The following MBD1 variants were observed in gnomAD, a reference collection of about 807,000 sequenced individuals.
MBD1 encodes methyl-CpG-binding domain protein 1.
MBD1 carries 25 observed loss-of-function variants against 82.6 expected under a neutral mutation model. That is an observed-to-expected ratio of 0.30 (90% CI 0.22 to 0.42). The LOEUF (loss-of-function observed/expected upper bound fraction) is 0.42, where lower values mean the gene tolerates loss of function less well. Ranked by LOEUF, MBD1 falls within the 10% of genes least tolerant of loss-of-function variation. MBD1 has a pLI of 1.00. For missense variants in MBD1, 627 were observed against 819.6 expected, an observed-to-expected ratio of 0.76 and a Z score of 2.87; for synonymous variants, 301 against 303.7, an observed-to-expected ratio of 0.99 and a Z score of 0.09.
intron 1 of MBD1, 109 bp from the exon 2 acceptor site, chr18:50,280,126 G>A (rs1052045999): frequency 4.5e-6 from 5 of 1,099,732 alleles, no homozygotes; most frequent in African/African-American, 1.6e-5. Flanking sequence ...CCAAGCCCTA[G>A]GACCTGCCAC....
At chr18:50,277,853 AT>A (rs1486968205) in intron 2 of MBD1, among the ~76,000 whole-genome samples, 4 of 152,124 alleles carry the variant, frequency 2.6e-5, no homozygotes, top group Non-Finnish European at 5.9e-5. Flanking sequence ...TCTTAATATT[AT>A]TTAAAAAAAA....
chr18:50,279,824 G>T, intron 2 of MBD1, 59 bp downstream of exon 2: 1 of 1,609,648 alleles, frequency 6.2e-7, no homozygotes, highest in South Asian at 1.1e-5. Context: ...CACACCATTT[G>T]ATTTTACCAG....
At chr18:50,276,555 G>T in intron 5 of MBD1, 107 bp downstream of exon 5, 1 of 1,459,218 alleles carries the variant, frequency 6.9e-7, no homozygotes, top group Non-Finnish European at 9.5e-7. Flanking sequence ...CTCCAACCAT[G>T]CCAGTAGCCT....
intron 2 of MBD1, 152 bp from the exon 3 acceptor site, chr18:50,277,356 T>A: frequency 1.5e-6 from 1 of 683,356 alleles, no homozygotes; most frequent in Non-Finnish European, 2.7e-6. Flanking sequence ...CTTGAAAACA[T>A]AAAAAAATTA....
In MBD1 at chr18:50,268,883, T is replaced by A; in HGVS notation, c.*968A>T. The A allele has an allele frequency of 2.0e-6, 2 of 980,218 alleles. No homozygotes were observed. Among genetic ancestry groups the A allele is most frequent in the Non-Finnish European group, 2.4e-6 (2 of 825,128 alleles). The allele number at this position is 980,218 out of a possible 1,614,324, so 60.7% of individuals were successfully genotyped here. A position where few individuals can be genotyped will look rare whatever the true frequency, so the allele number is the denominator to read the frequency against. On this transcript the variant is annotated 3_prime_UTR_variant, in exon 17 of 17. Coordinates refer to ENST00000269468, the MANE Select transcript of MBD1 (RefSeq NM_015846.4). ...TAAAAATTTAAAAATAATTTTAAAA[T>A]AGAACAGCTTAGAGATAGAAACTAA... is the stretch of plus-strand genomic sequence containing the variant.
At chr18:50,277,638 AAAGTAT>A (rs1216455931) in intron 2 of MBD1, among the ~76,000 whole-genome samples, 1 of 152,122 alleles carries the variant, frequency 6.6e-6, no homozygotes, top group East Asian at 1.9e-4. Context: ...CATACAAATT[AAAGTAT>A]AAGTAATTGA....
At chr18:50,275,375 G>T in intron 8 of MBD1, 130 bp from the exon 9 acceptor site, 1 of 1,611,280 alleles carries the variant, frequency 6.2e-7, no homozygotes, top group Non-Finnish European at 8.5e-7. Flanking sequence ...CTCACAGTTG[G>T]GGGAGCCACA....
At chr18:50,273,155 G>C (rs1030211820) in intron 13 of MBD1, 179 bp downstream of exon 13, 6 of 1,214,998 alleles carry the variant, frequency 4.9e-6, no homozygotes, top group South Asian at 3.9e-5. Context: ...ATAGCAAAGC[G>C]GGCAAAGCTA....
intron 9 of MBD1, 31 bp downstream of exon 9, chr18:50,275,098 T>A: frequency 6.2e-7 from 1 of 1,612,780 alleles, no homozygotes; most frequent in Non-Finnish European, 8.5e-7. Context: ...AGGTCAGGGT[T>A]GTGCCTTCCC....
chr18:50,281,559 G>A (rs932782169), upstream of MBD1: 2 of 574,592 alleles, frequency 3.5e-6, no homozygotes, highest in South Asian at 4.4e-5. Flanking sequence ...CTCGGGCTCC[G>A]CCTCTGGCTA....
downstream of MBD1, among the ~76,000 whole-genome samples, chr18:50,268,507 G>A (rs2034251245): frequency 1.3e-5 from 2 of 152,262 alleles, no homozygotes; most frequent in Admixed American, 6.5e-5. Context: ...TGCGCCGGAC[G>A]GAGACCACGC....
intron 6 of MBD1, 186 bp from the exon 7 acceptor site, chr18:50,276,167 T>C: frequency 2.4e-6 from 2 of 840,476 alleles, no homozygotes; most frequent in South Asian, 1.5e-5. Flanking sequence ...TGGTCCCCTG[T>C]TCACTTCATC....
chr18:50,270,025 A>G (rs768893265), intron 16 of MBD1: 1 of 1,598,280 alleles, frequency 6.3e-7, no homozygotes. Flanking sequence ...ATGTCAATCA[A>G]ATAAATTTCA....
chr18:50,276,487 T>C, intron 5 of MBD1, 69 bp from the exon 6 acceptor site: 5 of 1,538,358 alleles, frequency 3.3e-6, no homozygotes, highest in Non-Finnish European at 4.5e-6. Flanking sequence ...ACTCACTGCC[T>C]GTGCCCTGAC....
chr18:50,272,986 G>C (rs755999434), intron 13 of MBD1, 31 bp from the exon 14 acceptor site: 1 of 1,613,830 alleles, frequency 6.2e-7, no homozygotes, highest in South Asian at 1.1e-5. Flanking sequence ...GCAACCATTA[G>C]AAGGGCAGAG....
chr18:50,280,589 C>T (rs1488061335), intron 1 of MBD1, among the ~76,000 whole-genome samples: 1 of 151,936 alleles, frequency 6.6e-6, no homozygotes, highest in Non-Finnish European at 1.5e-5. Context: ...GTTACAACCT[C>T]GACTTCCTCT....
chr18:50,273,331 C>T lies in MBD1; in HGVS notation c.1584+3G>A. 2 of 1,614,050 alleles carry T rather than the reference C, an allele frequency of 1.2e-6. No homozygotes were observed. The highest frequency in any genetic ancestry group is 8.5e-7 in the Non-Finnish European group (1 of 1,180,020). ...CCAACAGAACATCCATCACTGCCCCCACCTTGCTAGGGCAGCCAGGCACCA... is the reference window on the plus strand; with the variant it reads ...CCAACAGAACATCCATCACTGCCCCTACCTTGCTAGGGCAGCCAGGCACCA... On this transcript the variant is annotated splice_donor_region_variant and intron_variant, in intron 13 of 16. Transcript: ENST00000269468.
chr18:50,271,019 G>A, intron 16 of MBD1: 1 of 998,344 alleles, frequency 1.0e-6, no homozygotes, highest in Non-Finnish European at 1.2e-6. Context: ...AAATAAACTG[G>A]GTCCACAGAG....
chr18:50,277,596 A>G (rs2038503925), intron 2 of MBD1, among the ~76,000 whole-genome samples: 1 of 151,950 alleles, frequency 6.6e-6, no homozygotes, highest in Non-Finnish European at 1.5e-5. Flanking sequence ...AAACACAAAT[A>G]TGTTTTAAAA....
Sources: gnomAD v4.1 joint callset for allele counts (sites outside exome capture counted in the v4.1 genomes callset) on GRCh38, gnomAD v4.1.1 for gene constraint, MANE v1.5 for transcripts, NCBI Gene and HGNC (gene_info 2026-07-23, HGNC 2026-07-21) for gene names.